SEMA3A: variants seen among roughly 807,000 people sequenced by gnomAD.
SEMA3A encodes the protein semaphorin-3A.
Under a neutral mutation model 97.9 loss-of-function variants are expected in SEMA3A, and 29 were observed. The ratio of observed to expected loss-of-function variants is 0.30; its 90% CI spans 0.22 to 0.40. SEMA3A has a LOEUF of 0.40. Ranked by LOEUF, SEMA3A falls within the 10% of genes least tolerant of loss-of-function variation. The pLI is 1.00. For missense variants in SEMA3A, 763 were observed against 951.3 expected (o/e 0.80, Z 2.60); for synonymous variants, 321 against 323.7 (o/e 0.99, Z 0.09).
chr7:84,284,301 T>C (rs763451257), intron 3 of SEMA3A, among the ~76,000 whole-genome samples: 13 of 152,294 alleles, frequency 8.5e-5, no homozygotes, highest in Non-Finnish European at 1.5e-4. Flanking sequence ...AAAGGAATGT[T>C]CAATCTAGTT....
chr7:84,098,059 G>C (rs572683420), intron 4 of SEMA3A, among the ~76,000 whole-genome samples: 7 of 151,882 alleles, frequency 4.6e-5, no homozygotes, highest in Middle Eastern at 3.2e-3. Context: ...AGAATAAAGA[G>C]TATGACCATC....
intron 1 of SEMA3A, among the ~76,000 whole-genome samples, chr7:84,425,420 T>G (rs1372575215): frequency 5.3e-5 from 7 of 132,752 alleles, no homozygotes; most frequent in African/African-American, 1.9e-4. Flanking sequence ...TGCCTATATT[T>G]ATATGAATAT....
intron 12 of SEMA3A, among the ~76,000 whole-genome samples, chr7:83,990,644 T>A (rs1216753759): frequency 1.4e-5 from 2 of 146,340 alleles, no homozygotes; most frequent in African/African-American, 5.1e-5. Flanking sequence ...TGTGGCTCTA[T>A]TTCTGAGGGC....
At chr7:84,085,033 A>G (rs554197526) in intron 4 of SEMA3A, among the ~76,000 whole-genome samples, 92 of 152,144 alleles carry the variant, frequency 6.0e-4, no homozygotes, top group African/African-American at 2.0e-3. Context: ...CTGACCTTGA[A>G]CAAAATAAGG....
intron 1 of SEMA3A, among the ~76,000 whole-genome samples, chr7:84,372,656 G>A (rs1038575100): frequency 6.6e-6 from 1 of 152,102 alleles, no homozygotes; most frequent in African/African-American, 2.4e-5. Flanking sequence ...CACCTGACCT[G>A]AAATTAAAAC....
At chr7:84,352,356 AC>A (rs1225337507) in intron 2 of SEMA3A, among the ~76,000 whole-genome samples, 1 of 138,694 alleles carries the variant, frequency 7.2e-6, no homozygotes, top group Non-Finnish European at 1.6e-5. Flanking sequence ...AGTTTATGAT[AC>A]TTTTAAAAAT....
intron 1 of SEMA3A, among the ~76,000 whole-genome samples, chr7:84,469,379 T>C (rs1443637798): frequency 6.6e-6 from 1 of 152,094 alleles, no homozygotes; most frequent in African/African-American, 2.4e-5. Flanking sequence ...AAGAAAAGAG[T>C]AGACCATCTG....
At chr7:84,308,405 C>G (rs1368393095) in intron 2 of SEMA3A, among the ~76,000 whole-genome samples, 2 of 152,142 alleles carry the variant, frequency 1.3e-5, no homozygotes, top group Non-Finnish European at 2.9e-5. Context: ...CCAAACATCC[C>G]TTGGATACAT....
chr7:83,976,848 TAAAC>T (rs1160162818), intron 15 of SEMA3A, among the ~76,000 whole-genome samples: 1 of 152,142 alleles, frequency 6.6e-6, no homozygotes, highest in Non-Finnish European at 1.5e-5. Context: ...ATGAAGTACT[TAAAC>T]ATGGCTTCTT....
At chr7:84,246,134 C>T (rs1799471914) in intron 3 of SEMA3A, among the ~76,000 whole-genome samples, 1 of 152,200 alleles carries the variant, frequency 6.6e-6, no homozygotes, top group South Asian at 2.1e-4. Flanking sequence ...GTCTGAACTT[C>T]CTGGTGGCTT....
upstream of SEMA3A, among the ~76,000 whole-genome samples, chr7:84,196,353 T>TTCTCTCTCTCTCTCTCTC (rs60887913): frequency 1.3e-4 from 19 of 149,146 alleles, no homozygotes; most frequent in African/African-American, 4.7e-4. Context: ...TCGCTCTGCT[T>TTCTCTCTCTCTCTCTCTC]TCTCTCTCTC....
chr7:84,149,896 T>C (rs1252880955), intron 1 of SEMA3A, among the ~76,000 whole-genome samples: 1 of 152,222 alleles, frequency 6.6e-6, no homozygotes, highest in Non-Finnish European at 1.5e-5. Flanking sequence ...GTTATTGCTA[T>C]TAAATTTTAA....
chr7:84,418,974 T>G (rs1804514933), intron 1 of SEMA3A, among the ~76,000 whole-genome samples: 1 of 152,060 alleles, frequency 6.6e-6, no homozygotes, highest in Admixed American at 6.6e-5. Flanking sequence ...CACATACATA[T>G]ATATACATAC....
chr7:84,229,718 T>C (rs925473419), intron 3 of SEMA3A, among the ~76,000 whole-genome samples: 4 of 152,122 alleles, frequency 2.6e-5, no homozygotes, highest in African/African-American at 9.7e-5. Context: ...CTGGACTCTC[T>C]ATCCAGAGAA....
At chr7:84,338,571 T>C (rs905618149) in intron 2 of SEMA3A, among the ~76,000 whole-genome samples, 1 of 152,170 alleles carries the variant, frequency 6.6e-6, no homozygotes, top group Admixed American at 6.6e-5. Context: ...TCCAGGATTA[T>C]TCCTTTGCAG....
chr7:84,046,418 T>A lies in SEMA3A; in HGVS notation c.573A>T (p.Ala191=), dbSNP rs560392180. Residue 191 remains alanine, a synonymous_variant, in exon 6 of 17, where the codon GCA becomes GCT. Transcript: ENST00000265362. ...LIDGELYSGT[A]ADFMGRDFAI... The stretch of plus-strand genomic sequence containing the variant: ...CAAAGTCTCGCCCCATAAAATCAGC[T>A]GCAGTTCCAGAGTATAATTCTCCAT... 2.5e-6 allele frequency: 4 copies of A among 1,613,052 alleles called. No homozygotes were observed. The South Asian group carries it at 3.3e-5, about 13-fold the overall frequency.
At chr7:84,012,631 G>A (rs1419848402) in intron 7 of SEMA3A, among the ~76,000 whole-genome samples, 1 of 152,086 alleles carries the variant, frequency 6.6e-6, no homozygotes, top group Non-Finnish European at 1.5e-5. Flanking sequence ...AGGAGTTGAA[G>A]CAATTTATAT....
intron 1 of SEMA3A, among the ~76,000 whole-genome samples, chr7:84,187,889 A>C (rs945547763): frequency 6.6e-6 from 1 of 152,144 alleles, no homozygotes; most frequent in African/African-American, 2.4e-5. Flanking sequence ...AGAAACTCAG[A>C]ATCTGGCACA....
intron 15 of SEMA3A, among the ~76,000 whole-genome samples, chr7:83,968,023 C>G (rs1788773733): frequency 6.6e-6 from 1 of 151,996 alleles, no homozygotes; most frequent in South Asian, 2.1e-4. Context: ...CAATTTGATT[C>G]TTTATTAAAG....
Sources: allele counts gnomAD v4.1 joint callset (sites outside exome capture counted in the v4.1 genomes callset), GRCh38; gene constraint gnomAD v4.1.1; transcripts MANE v1.5; gene names NCBI Gene and HGNC (gene_info 2026-07-23, HGNC 2026-07-21).